The following NMNAT2 variants were observed in gnomAD, a reference collection of about 807,000 sequenced individuals.
The protein encoded by NMNAT2 is nicotinamide/nicotinic acid mononucleotide adenylyltransferase 2.
A neutral mutation model predicts 41.6 loss-of-function variants in NMNAT2; 11 were observed. That is an observed-to-expected ratio of 0.26 (90% CI 0.17 to 0.44). The LOEUF (loss-of-function observed/expected upper bound fraction) is 0.44, where lower values mean the gene tolerates loss of function less well. NMNAT2 is among the 20% of genes least tolerant of loss of function. The pLI, the probability that NMNAT2 is intolerant of heterozygous loss-of-function variation, is 1.00. For synonymous variants in NMNAT2, 148 were observed against 151.2 expected (o/e 0.98, Z 0.16); for missense variants, 288 against 407.7 (o/e 0.71, Z 2.53).
At chr1:183,275,864 G>A (rs1293087816) in intron 8 of NMNAT2, among the ~76,000 whole-genome samples, 2 of 152,106 alleles carry the variant, frequency 1.3e-5, no homozygotes, top group African/African-American at 4.8e-5. Flanking sequence ...AGTAGAGACA[G>A]GGTTTCACCG....
At chr1:183,335,733 T>C (rs936595474) in intron 1 of NMNAT2, among the ~76,000 whole-genome samples, 2 of 152,246 alleles carry the variant, frequency 1.3e-5, no homozygotes, top group African/African-American at 2.4e-5. Context: ...TCATTCATTT[T>C]ATTTCATTAT....
rs200643389 is a variant in NMNAT2 at position 183,249,445 on chromosome 1, C to A, written c.*3196G>T. On this transcript the variant is annotated 3_prime_UTR_variant, in exon 11 of 11. Coordinates refer to ENST00000287713, the MANE Select transcript of NMNAT2 (RefSeq NM_015039.4). ...CCAGACCCCTCTGGACATGATTGTT[C>A]CAGTCCATGCCTTTCTCACAACCTC... The A allele has an allele frequency of 6.6e-6, 1 of 152,150 alleles. No homozygotes were observed. The highest frequency in any genetic ancestry group is 2.4e-5 in the African/African-American group (1 of 41,428). 9.4% of individuals were successfully genotyped at this position (152,150 alleles called of 1,614,324 possible). A position where few individuals can be genotyped will look rare whatever the true frequency, so the allele number is the denominator to read the frequency against.
chr1:183,391,591 T>G (rs2101921712), intron 1 of NMNAT2, among the ~76,000 whole-genome samples: 1 of 152,310 alleles, frequency 6.6e-6, no homozygotes, highest in Admixed American at 6.5e-5. Context: ...AGCCATACCC[T>G]GTCTCTGCTC....
intron 1 of NMNAT2, among the ~76,000 whole-genome samples, chr1:183,404,689 A>G (rs1170363110): frequency 6.6e-6 from 1 of 152,222 alleles, no homozygotes; most frequent in Non-Finnish European, 1.5e-5. Context: ...GAAAGATGTG[A>G]AAGACAGTGC....
chr1:183,306,280 C>T (rs1347863748), intron 1 of NMNAT2, among the ~76,000 whole-genome samples: 1 of 152,090 alleles, frequency 6.6e-6, no homozygotes, highest in Non-Finnish European at 1.5e-5. Context: ...GTTATCTTAA[C>T]ATGGTAAAAG....
At chr1:183,385,960 G>A (rs574298269) in intron 1 of NMNAT2, among the ~76,000 whole-genome samples, 7 of 152,146 alleles carry the variant, frequency 4.6e-5, no homozygotes, top group Non-Finnish European at 1.0e-4. Context: ...GGGCCCGAGG[G>A]GATGAGGCCT....
chr1:183,318,099 A>G (rs557793100), intron 1 of NMNAT2, among the ~76,000 whole-genome samples: 7 of 152,338 alleles, frequency 4.6e-5, no homozygotes, highest in African/African-American at 1.2e-4. Flanking sequence ...TCATGGCCCT[A>G]TGGAAGCTCT....
At chr1:183,361,278 G>T (rs2811558) in intron 1 of NMNAT2, among the ~76,000 whole-genome samples, 67,066 of 151,836 alleles carry the variant, frequency 0.44, 15,379 homozygotes, top group East Asian at 0.67. Flanking sequence ...TCGCCATGTG[G>T]TCCACACTTG....
At chr1:183,335,550 G>C (rs1402726308) in intron 1 of NMNAT2, among the ~76,000 whole-genome samples, 5 of 152,222 alleles carry the variant, frequency 3.3e-5, no homozygotes, top group Non-Finnish European at 7.3e-5. Context: ...GTCATCTTCA[G>C]TTCCAGCTTG....
intron 1 of NMNAT2, among the ~76,000 whole-genome samples, chr1:183,364,851 C>T (rs1663383552): frequency 6.6e-6 from 1 of 152,054 alleles, no homozygotes; most frequent in South Asian, 2.1e-4. Context: ...ACCACCACAT[C>T]CGGCTAATTT....
In NMNAT2 at chr1:183,360,337, A is replaced by G. The variant is rs537773679; in HGVS notation, c.85+57846T>C. Among the ~76,000 whole-genome samples the G allele has an allele frequency of 3.3e-5, 5 of 152,222 alleles. No homozygotes were observed. In the South Asian group the frequency reaches 1.0e-3, roughly 32 times the overall value. Reference sequence around the variant, plus strand: ...GGGCAAGATGGAAGCTGCACAGCCTACCTACACCCCCGAGGGTAAGATGCT... The same window carrying G: ...GGGCAAGATGGAAGCTGCACAGCCTGCCTACACCCCCGAGGGTAAGATGCT... On this transcript the variant is annotated intron_variant, in intron 1 of 10. Coordinates refer to ENST00000287713, the MANE Select transcript of NMNAT2 (RefSeq NM_015039.4).
chr1:183,290,052 C>T (rs1661498770), intron 4 of NMNAT2, 76 bp downstream of exon 4: 2 of 1,212,640 alleles, frequency 1.6e-6, no homozygotes. Context: ...CTCTCCCTGC[C>T]TGGTTTCTGT....
At chr1:183,273,064 A>C (rs1661025197) in intron 8 of NMNAT2, among the ~76,000 whole-genome samples, 1 of 152,224 alleles carries the variant, frequency 6.6e-6, no homozygotes, top group Admixed American at 6.5e-5. Flanking sequence ...TTTAGCTTAC[A>C]TTTGTGCCAA....
intron 1 of NMNAT2, among the ~76,000 whole-genome samples, chr1:183,298,393 T>C (rs987901412): frequency 7.3e-5 from 11 of 150,626 alleles, no homozygotes; most frequent in African/African-American, 2.7e-4. Flanking sequence ...TGTATTTCCA[T>C]ATGCTAGCAA....
At chr1:183,269,665 G>A (rs1360352592) in intron 8 of NMNAT2, among the ~76,000 whole-genome samples, 2 of 152,196 alleles carry the variant, frequency 1.3e-5, no homozygotes, top group Non-Finnish European at 2.9e-5. Context: ...GGAGCTTATC[G>A]CATTTAATCC....
At chr1:183,323,929 T>A (rs1027413757) in intron 1 of NMNAT2, among the ~76,000 whole-genome samples, 5 of 152,156 alleles carry the variant, frequency 3.3e-5, no homozygotes, top group Admixed American at 1.3e-4. Context: ...GAGGAGTTTA[T>A]TTAGGCAAAT....
intron 1 of NMNAT2, among the ~76,000 whole-genome samples, chr1:183,410,307 A>G (rs908724692): frequency 6.6e-6 from 1 of 152,076 alleles, no homozygotes; most frequent in Admixed American, 6.5e-5. Flanking sequence ...TGGGCGGCAG[A>G]GTGAGACTCC....
intron 1 of NMNAT2, among the ~76,000 whole-genome samples, chr1:183,348,858 TCC>T (rs1662987813): frequency 6.6e-6 from 1 of 152,168 alleles, no homozygotes; most frequent in South Asian, 2.1e-4. Context: ...TGAAATGACA[TCC>T]CCACCAGAAG....
At chr1:183,347,409 T>C (rs1662954597) in intron 1 of NMNAT2, among the ~76,000 whole-genome samples, 1 of 152,062 alleles carries the variant, frequency 6.6e-6, no homozygotes, top group African/African-American at 2.4e-5. Flanking sequence ...TAAGTCATGA[T>C]CGTACCACCG....
Sources: allele counts gnomAD v4.1 joint callset (sites outside exome capture counted in the v4.1 genomes callset), GRCh38; gene constraint gnomAD v4.1.1; transcripts MANE v1.5; gene names NCBI Gene and HGNC (gene_info 2026-07-23, HGNC 2026-07-21).